Variants in DOP1B observed in about 807,000 individuals in gnomAD.
The protein encoded by DOP1B is DOP1 leucine zipper like protein B, also known as protein DOP1B.
Under a neutral mutation model 233.5 loss-of-function variants are expected in DOP1B, and 174 were observed. That is an observed-to-expected ratio of 0.75 (90% confidence interval 0.66 to 0.85). DOP1B has a LOEUF of 0.85. Ranked by LOEUF, DOP1B falls within the 40% of genes least tolerant of loss-of-function variation. The probability of loss-of-function intolerance (pLI) is 0.00; values close to 1 mark genes in which losing one functional copy is unlikely to be tolerated. For synonymous variants in DOP1B, 1,190 were observed against 1,185.6 expected, an observed-to-expected ratio of 1.00 and a Z score of -0.08; for missense variants, 2,652 against 2,846.6, an observed-to-expected ratio of 0.93 and a Z score of 1.56.
Position 36,214,523 on chromosome 21 carries a change from G to T in DOP1B, c.1096G>T (p.Val366Phe). 6.2e-7 allele frequency: 1 copy of T among 1,613,934 alleles called. No individual in the cohort carries two copies. Among genetic ancestry groups the T allele is most frequent in the Non-Finnish European group, 8.5e-7 (1 of 1,180,006 alleles). ...TCATGCATACCTGAAGCCTTTTCGCGTCCTCATCAGTCTGCTTGACAAGCC... is the reference window on the plus strand; with the variant it reads ...TCATGCATACCTGAAGCCTTTTCGCTTCCTCATCAGTCTGCTTGACAAGCC... The part of the protein sequence containing the change: ...RHHAYLKPFR[V>F]LISLLDKPEI... The change falls in exon 9 of 37, where the codon GTC becomes TTC. Residue 366 changes from valine to phenylalanine, a missense_variant. Physicochemically the swap from Val to Phe is conservative, Grantham distance 50. Around this residue, in one of 3 missense-constraint regions of DOP1B, gnomAD observed 2,617 missense variants for 2,794.3 expected, o/e 0.94. Transcript: ENST00000691173.
At chr21:36,203,160 C>G (rs1007875163) in intron 4 of DOP1B, among the ~76,000 whole-genome samples, 4 of 152,094 alleles carry the variant, frequency 2.6e-5, no homozygotes, top group Non-Finnish European at 5.9e-5. Flanking sequence ...ATTGTGATTT[C>G]TTGACATTGA....
intron 26 of DOP1B, among the ~76,000 whole-genome samples, chr21:36,268,950 G>C (rs1234242581): frequency 6.6e-6 from 1 of 152,152 alleles, no homozygotes; most frequent in Non-Finnish European, 1.5e-5. Flanking sequence ...TTACAGGCGT[G>C]AGCCACCGCG....
chr21:36,164,688 A>G lies in DOP1B; in HGVS notation c.-26-20A>G. 6.6e-7 allele frequency: 1 copy of G among 1,513,800 alleles called. No individual in the cohort carries two copies. The highest frequency in any genetic ancestry group is 8.8e-7 in the Non-Finnish European group (1 of 1,130,800). 93.8% of individuals were successfully genotyped at this position (1,513,800 alleles called of 1,614,324 possible). On this transcript the variant is annotated intron_variant, in intron 1 of 36. Coordinates refer to ENST00000691173, the MANE Select transcript of DOP1B (RefSeq NM_001320714.2). ...CCCCAAATGGCTCTCTCATTTGGTT[A>G]TTTTTTGATTTGCTTTTAGATACTT...
chr21:36,266,578 C>T (rs1161640698), intron 26 of DOP1B, among the ~76,000 whole-genome samples: 2 of 150,958 alleles, frequency 1.3e-5, no homozygotes, highest in African/African-American at 5.0e-5. Flanking sequence ...TAGGGCACCA[C>T]CCTCTAGGAA....
In DOP1B at chr21:36,263,633, G is replaced by A; in HGVS notation, c.5403G>A (p.Gly1801=). ...ESVQLNLAPP[G]YFLLLSMLND... ...TACAGTTGAATCTAGCCCCACCTGG[G>A]TATTTTCTGCTTCTCAGGTATCATG... The change falls in exon 25 of 37, where the codon GGG becomes GGA. Residue 1801 remains glycine (G), a synonymous_variant. Transcript: ENST00000691173. 6.2e-7 allele frequency: 1 copy of A among 1,614,038 alleles called. No individual in the cohort carries two copies. Among genetic ancestry groups the A allele is most frequent in the Non-Finnish European group, 8.5e-7 (1 of 1,179,980 alleles).
In DOP1B at chr21:36,264,418, T is replaced by A. The variant is rs188034183; in HGVS notation, c.5487+604T>A. Among the ~76,000 whole-genome samples the A allele has an allele frequency of 1.2e-4, 19 of 152,022 alleles. No homozygotes were observed. The East Asian group carries it at 2.5e-3, about 20-fold the overall frequency. ...AGAGAGAGATCCTGTCTCAAAAAAA[T>A]TTTTTAAAAAAGGAAGCTATCTCCA... On this transcript the variant is annotated intron_variant, in intron 26 of 36. Coordinates refer to ENST00000691173, the MANE Select transcript of DOP1B (RefSeq NM_001320714.2).
chr21:36,237,255 G>T lies in DOP1B; in HGVS notation c.2623-7G>T, dbSNP rs1173909855. 3 of 1,614,130 alleles carry T rather than the reference G, an allele frequency of 1.9e-6. No individual in the cohort carries two copies. The highest frequency in any genetic ancestry group is 2.5e-6 in the Non-Finnish European group (3 of 1,180,026). Reference sequence around the variant, plus strand: ...GTCCCCCACCGCCTGCCTTTTCCTTGTCCCAGAGGGTGGCTCGTGTGCTTT... The same window carrying T: ...GTCCCCCACCGCCTGCCTTTTCCTTTTCCCAGAGGGTGGCTCGTGTGCTTT... On this transcript the variant is annotated splice_polypyrimidine_tract_variant and splice_region_variant and intron_variant, in intron 15 of 36. Coordinates refer to ENST00000691173, the MANE Select transcript of DOP1B (RefSeq NM_001320714.2).
At chr21:36,266,131 A>G (rs1427082079) in intron 26 of DOP1B, among the ~76,000 whole-genome samples, 1 of 152,158 alleles carries the variant, frequency 6.6e-6, no homozygotes, top group East Asian at 1.9e-4. Context: ...AATTAGCTGG[A>G]GTGGCTGATG....
At position 36,248,627 on chromosome 21, in the gene DOP1B, A is replaced by T. The variant is rs181233940; in HGVS notation, c.4998+59A>T. On this transcript the variant is annotated intron_variant, in intron 21 of 36. Transcript: ENST00000691173. ...TTGGTCTTGTATTGTTCCACCCAAA[A>T]TAAATGTGTATAGGAAAGTGTGCAT... The T allele has an allele frequency of 1.3e-4, 195 of 1,495,170 alleles. No homozygotes were observed. In the African/African-American group the frequency reaches 2.6e-3, roughly 20 times the overall value. The allele number at this position is 1,495,170 out of a possible 1,614,324, so 92.6% of individuals were successfully genotyped here.
At chr21:36,180,194 G>T (rs1305562619) in intron 2 of DOP1B, among the ~76,000 whole-genome samples, 1 of 152,096 alleles carries the variant, frequency 6.6e-6, no homozygotes, top group Admixed American at 6.5e-5. Flanking sequence ...TAACAATTTA[G>T]ATTATTCTGG....
At chr21:36,261,041 A>G (rs1336173958) in intron 24 of DOP1B, 3 of 1,104,226 alleles carry the variant, frequency 2.7e-6, no homozygotes, top group African/African-American at 1.6e-5. Flanking sequence ...AAAACCACAT[A>G]TAGGGAAGTG....
intron 28 of DOP1B, 107 bp downstream of exon 28, chr21:36,277,207 TC>T: frequency 9.2e-7 from 1 of 1,092,188 alleles, no homozygotes. Context: ...GGCCGCACCC[TC>T]CCAGGTGAGC....
chr21:36,262,012 AC>A, intron 24 of DOP1B: 1 of 962,418 alleles, frequency 1.0e-6, no homozygotes, highest in East Asian at 1.1e-4. Flanking sequence ...AATAACTCCA[AC>A]AACCAGGCAC....
intron 9 of DOP1B, among the ~76,000 whole-genome samples, chr21:36,217,271 G>A (rs1032842171): frequency 6.6e-6 from 1 of 152,122 alleles, no homozygotes; most frequent in African/African-American, 2.4e-5. Context: ...CCATGTTCCT[G>A]GAGTGTTTTT....
intron 23 of DOP1B, among the ~76,000 whole-genome samples, chr21:36,256,278 A>G (rs2067096652): frequency 6.6e-6 from 1 of 152,196 alleles, no homozygotes; most frequent in Non-Finnish European, 1.5e-5. Flanking sequence ...TCATCTCTAC[A>G]GTAAATTTAA....
intron 22 of DOP1B, 79 bp from the exon 23 acceptor site, chr21:36,253,693 A>G: frequency 6.8e-7 from 1 of 1,473,262 alleles, no homozygotes; most frequent in Non-Finnish European, 9.2e-7. Context: ...CGACTACTGT[A>G]GAATACAATA....
intron 4 of DOP1B, among the ~76,000 whole-genome samples, chr21:36,206,741 T>C (rs2043553540): frequency 6.6e-6 from 1 of 152,184 alleles, no homozygotes; most frequent in African/African-American, 2.4e-5. Context: ...GTGTGCATTA[T>C]AGTGTTTGTG....
chr21:36,202,440 C>T (rs2066379358), intron 4 of DOP1B, among the ~76,000 whole-genome samples: 1 of 152,158 alleles, frequency 6.6e-6, no homozygotes, highest in South Asian at 2.1e-4. Context: ...AGGCCCTAGT[C>T]AGGTCACCCT....
Position 36,214,061 on chromosome 21 carries a change from C to T in DOP1B, c.905-20C>T, listed in dbSNP as rs199580700. 1.2e-5 allele frequency: 19 copies of T among 1,570,410 alleles called. No individual in the cohort carries two copies. Among genetic ancestry groups the T allele is most frequent in the Non-Finnish European group, 1.4e-5 (16 of 1,144,630 alleles). On this transcript the variant is annotated intron_variant, in intron 7 of 36. Coordinates refer to ENST00000691173, the MANE Select transcript of DOP1B (RefSeq NM_001320714.2). The stretch of plus-strand genomic sequence containing the variant: ...TAAAAGCACAGCTCTCTTTACAGCT[C>T]GGCGCTTGTTCTTTTGTAGGCTCAG...
Sources: gnomAD v4.1 joint callset for allele counts (sites outside exome capture counted in the v4.1 genomes callset) on GRCh38, gnomAD v4.1.1 for gene constraint, gnomAD v4.1.1 regional missense constraint, MANE v1.5 for transcripts, NCBI Gene and HGNC (gene_info 2026-07-23, HGNC 2026-07-21) for gene names.